DAPP1: variants seen among roughly 807,000 people sequenced by gnomAD.
DAPP1 encodes dual adapter for phosphotyrosine and 3-phosphotyrosine and 3-phosphoinositide.
A neutral mutation model predicts 41.5 loss-of-function variants in DAPP1; 20 were observed. The observed-to-expected ratio is 0.48, with a 90% CI of 0.34 to 0.70. The LOEUF (loss-of-function observed/expected upper bound fraction) is 0.70. Ranked by LOEUF, DAPP1 falls within the 30% of genes least tolerant of loss-of-function variation. The pLI is 0.01. For missense variants in DAPP1, 233 were observed against 333.4 expected (o/e 0.70, Z 2.35); for synonymous variants, 113 against 116.2 (o/e 0.97, Z 0.18).
At chr4:99,852,538 C>A (rs1723900066) in intron 3 of DAPP1, among the ~76,000 whole-genome samples, 1 of 152,128 alleles carries the variant, frequency 6.6e-6, no homozygotes, top group Non-Finnish European at 1.5e-5. Flanking sequence ...CCTGGAGGCT[C>A]CCCTCTCCAG....
At chr4:99,823,279 C>T (rs1722832732) in intron 1 of DAPP1, among the ~76,000 whole-genome samples, 1 of 151,796 alleles carries the variant, frequency 6.6e-6, no homozygotes, top group Middle Eastern at 3.4e-3. Context: ...TTCTACTTTC[C>T]AGTATATCTG....
intron 2 of DAPP1, among the ~76,000 whole-genome samples, chr4:99,839,531 A>G (rs886955271): frequency 6.6e-6 from 1 of 152,026 alleles, no homozygotes; most frequent in African/African-American, 2.4e-5. Context: ...ACGGGAGGAA[A>G]AGGGCTAGGC....
At chr4:99,820,642 G>A (rs988845116) in intron 1 of DAPP1, among the ~76,000 whole-genome samples, 2 of 152,156 alleles carry the variant, frequency 1.3e-5, no homozygotes, top group Non-Finnish European at 2.9e-5. Flanking sequence ...TCACATATAA[G>A]AGAAGTTTAG....
rs374365680 is a variant in DAPP1 at position 99,862,993 on chromosome 4, G to C, written c.538-17G>C. Reference sequence around the variant, plus strand: ...TTTGTGTGTCTGTGTGTTTGTGTGTGTGTGTGTTTTTCTCAGACCTGGAAA... The same window carrying C: ...TTTGTGTGTCTGTGTGTTTGTGTGTCTGTGTGTTTTTCTCAGACCTGGAAA... On this transcript the variant is annotated splice_polypyrimidine_tract_variant and intron_variant, in intron 5 of 8. Transcript: ENST00000512369. 7.6e-6 allele frequency: 12 copies of C among 1,577,604 alleles called. No homozygotes were observed. The African/African-American group carries it at 1.5e-4, about 20-fold the overall frequency.
chr4:99,854,703 T>C (rs138380182), intron 4 of DAPP1, among the ~76,000 whole-genome samples: 2 of 152,280 alleles, frequency 1.3e-5, no homozygotes, highest in African/African-American at 4.8e-5. Context: ...GCCAACACCA[T>C]TGCTATCTAC....
chr4:99,852,121 G>C (rs1171337024), intron 3 of DAPP1, among the ~76,000 whole-genome samples: 2 of 150,688 alleles, frequency 1.3e-5, no homozygotes, highest in East Asian at 3.9e-4. Flanking sequence ...TTTTTTTTCT[G>C]TCTCCTCTAC....
intron 1 of DAPP1, among the ~76,000 whole-genome samples, chr4:99,825,006 CT>C (rs1722892497): frequency 6.6e-6 from 1 of 152,132 alleles, no homozygotes; most frequent in South Asian, 2.1e-4. Context: ...TCTGACTTCC[CT>C]GGGTATGTTG....
chr4:99,867,979 TGG>T, intron 8 of DAPP1, 136 bp from the exon 9 acceptor site: 1 of 750,706 alleles, frequency 1.3e-6, no homozygotes, highest in Non-Finnish European at 2.2e-6. Context: ...AGCTTATAGT[TGG>T]GGGTGAGCAC....
chr4:99,865,642 A>G (rs1187926160), intron 7 of DAPP1: 1 of 151,946 alleles, frequency 6.6e-6, no homozygotes, highest in African/African-American at 2.4e-5. Context: ...AGCTGAATGA[A>G]TACATAAGTG....
At chr4:99,824,025 T>C (rs1722858868) in intron 1 of DAPP1, among the ~76,000 whole-genome samples, 1 of 152,202 alleles carries the variant, frequency 6.6e-6, no homozygotes, top group Non-Finnish European at 1.5e-5. Flanking sequence ...TCAGTATAAA[T>C]TTCTAAATTT....
intron 4 of DAPP1, 54 bp from the exon 5 acceptor site, chr4:99,861,524 A>G (rs2282587): frequency 0.056 from 85,128 of 1,519,638 alleles, 3,636 homozygotes; most frequent in East Asian, 0.25. Flanking sequence ...GAAAGGAAGG[A>G]CAAACGTCCT....
intron 1 of DAPP1, among the ~76,000 whole-genome samples, chr4:99,829,780 T>C (rs868275941): frequency 6.6e-6 from 1 of 152,112 alleles, no homozygotes; most frequent in Non-Finnish European, 1.5e-5. Context: ...CATAGAAAAT[T>C]ATATTATTAA....
chr4:99,872,248 C>G (rs866502080), downstream of DAPP1, among the ~76,000 whole-genome samples: 2 of 152,222 alleles, frequency 1.3e-5, no homozygotes, highest in Admixed American at 6.5e-5. Context: ...GTTGGTATAG[C>G]CATCCAGGCA....
chr4:99,817,605 G>A (rs1396518478), intron 1 of DAPP1, among the ~76,000 whole-genome samples: 1 of 152,202 alleles, frequency 6.6e-6, no homozygotes, highest in African/African-American at 2.4e-5. Context: ...AATCCAGGAA[G>A]AGGATAAAAT....
intron 5 of DAPP1, among the ~76,000 whole-genome samples, chr4:99,862,377 G>T (rs1431553384): frequency 6.6e-6 from 1 of 152,156 alleles, no homozygotes; most frequent in Non-Finnish European, 1.5e-5. Flanking sequence ...GATGCTGTTT[G>T]TATATAAGAA....
chr4:99,829,219 C>T (rs192179790), intron 1 of DAPP1, among the ~76,000 whole-genome samples: 1,744 of 152,180 alleles, frequency 0.011, 41 homozygotes, highest in African/African-American at 0.039. Context: ...GTGACTCATG[C>T]CTGCAATCCC....
At chr4:99,864,652 A>G (rs1324720257) in intron 7 of DAPP1, among the ~76,000 whole-genome samples, 1 of 152,152 alleles carries the variant, frequency 6.6e-6, no homozygotes, top group Non-Finnish European at 1.5e-5. Context: ...TTTTTCTCAT[A>G]TATCCAAAAA....
intron 3 of DAPP1, among the ~76,000 whole-genome samples, chr4:99,847,678 G>A (rs973915985): frequency 6.6e-6 from 1 of 152,162 alleles, no homozygotes; most frequent in African/African-American, 2.4e-5. Context: ...TCTCCCAGCT[G>A]AGTCCTGGAG....
chr4:99,840,258 A>G, intron 2 of DAPP1, 31 bp from the exon 3 acceptor site: 1 of 1,385,656 alleles, frequency 7.2e-7, no homozygotes, highest in Non-Finnish European at 9.8e-7. Context: ...TATTTGTTAA[A>G]TAATATTAAA....
Sources: gnomAD v4.1 joint callset for allele counts (sites outside exome capture counted in the v4.1 genomes callset) on GRCh38, gnomAD v4.1.1 for gene constraint, MANE v1.5 for transcripts, NCBI Gene and HGNC (gene_info 2026-07-23, HGNC 2026-07-21) for gene names.